Variants in PDE2A observed in about 807,000 individuals in gnomAD.
PDE2A encodes the protein cGMP-dependent 3',5'-cyclic phosphodiesterase.
In PDE2A, 53 loss-of-function variants were observed where a neutral mutation model predicts 133.6. The ratio of observed to expected loss-of-function variants is 0.40; its 90% confidence interval spans 0.32 to 0.50. The LOEUF (loss-of-function observed/expected upper bound fraction) is 0.50, where lower values mean the gene tolerates loss of function less well. PDE2A is among the 20% of genes least tolerant of loss of function. The probability of loss-of-function intolerance (pLI) is 0.73; values close to 1 mark genes in which losing one functional copy is unlikely to be tolerated. For missense variants in PDE2A, 796 were observed against 1,232.4 expected (o/e 0.65, Z 5.30); for synonymous variants, 491 against 490.2 (o/e 1.00, Z -0.02).
intron 3 of PDE2A, among the ~76,000 whole-genome samples, chr11:72,606,015 T>G (rs1856953813): frequency 6.6e-6 from 1 of 151,882 alleles, no homozygotes; most frequent in South Asian, 2.1e-4. Flanking sequence ...CAGGGAGACG[T>G]GAGCAGATTT....
chr11:72,646,437 T>C lies in PDE2A; in HGVS notation c.72-4111A>G, dbSNP rs553912606. Among the ~76,000 whole-genome samples the C allele has an allele frequency of 1.3e-3, 198 of 152,354 alleles. 1 individual carries two copies. The highest frequency in any genetic ancestry group is 2.4e-3 in the Non-Finnish European group (161 of 68,030). ...AAAGTGAGGCTCAGAGAAATGTAGA[T>C]GCTTACCTGAGATGGCACAGCTGGT... On this transcript the variant is annotated intron_variant, in intron 1 of 30. Coordinates refer to ENST00000334456, the MANE Select transcript of PDE2A (RefSeq NM_002599.5).
intron 2 of PDE2A, among the ~76,000 whole-genome samples, chr11:72,626,748 C>G (rs1858098563): frequency 6.6e-6 from 1 of 152,182 alleles, no homozygotes; most frequent in Non-Finnish European, 1.5e-5. Flanking sequence ...CTAGTGCTAC[C>G]CCCGCAGCTG....
In PDE2A at chr11:72,590,171, G is replaced by C. The variant is rs954230212; in HGVS notation, c.756+21C>G. The stretch of plus-strand genomic sequence containing the variant: ...AGGGAGACAGGACGGGGAGGTGGCC[G>C]GCAGGGGCGCAGGGACTCACGTATT... On this transcript the variant is annotated intron_variant, in intron 9 of 30. Coordinates refer to ENST00000334456, the MANE Select transcript of PDE2A (RefSeq NM_002599.5). This position sits in a 1 kb window ranked among gnomAD's most constrained non-coding sequence, Gnocchi z 4.8. The C allele has an allele frequency of 6.5e-7, 1 of 1,542,234 alleles. No individual in the cohort carries two copies. Among genetic ancestry groups the C allele is most frequent in the African/African-American group, 1.4e-5 (1 of 73,056 alleles).
At chr11:72,594,922 T>A (rs1856403819) in intron 6 of PDE2A, among the ~76,000 whole-genome samples, 1 of 152,084 alleles carries the variant, frequency 6.6e-6, no homozygotes, top group South Asian at 2.1e-4. Context: ...TCCCCCAGAC[T>A]GAGAGCTCCC....
intron 1 of PDE2A, among the ~76,000 whole-genome samples, chr11:72,669,674 T>C (rs1428476584): frequency 6.6e-6 from 1 of 151,788 alleles, no homozygotes; most frequent in Non-Finnish European, 1.5e-5. Flanking sequence ...GCAGAGGGGG[T>C]AGGAGGCCGG....
chr11:72,591,406 C>G, intron 6 of PDE2A, 50 bp from the exon 7 acceptor site: 1 of 1,488,062 alleles, frequency 6.7e-7, no homozygotes. Flanking sequence ...CAGTGTCTGT[C>G]TCTGCCAGAG....
intron 1 of PDE2A, chr11:72,668,392 A>C (rs780997474): frequency 3.3e-5 from 24 of 718,610 alleles, no homozygotes; most frequent in South Asian, 3.0e-4. Flanking sequence ...ATGAGATCAC[A>C]GGTGTGGAAA....
intron 6 of PDE2A, among the ~76,000 whole-genome samples, 179 bp from the exon 7 acceptor site, chr11:72,591,535 T>A (rs144906364): frequency 6.6e-6 from 1 of 152,320 alleles, no homozygotes; most frequent in Non-Finnish European, 1.5e-5. Flanking sequence ...AAATCCCTCC[T>A]GTAGGAAGTC....
intron 2 of PDE2A, among the ~76,000 whole-genome samples, chr11:72,634,475 C>T (rs1376618544): frequency 6.6e-6 from 1 of 152,192 alleles, no homozygotes. Flanking sequence ...GATTTCAGGC[C>T]CCGTTGTGCT....
rs570221811 is a variant in PDE2A, at chr11:72,625,681, G to C, written c.144+16573C>G. 2.0e-5 allele frequency among the ~76,000 whole-genome samples: 3 copies of C among 152,226 alleles called. No individual in the cohort carries two copies. The South Asian group carries it at 6.2e-4, about 32-fold the overall frequency. On this transcript the variant is annotated intron_variant, in intron 2 of 30. Transcript: ENST00000334456. ...CATTTGTGGGGTTTGGAGAAAACAG[G>C]CTTCTCTCCCATCTGCTCCCACCTC... is the stretch of plus-strand genomic sequence containing the variant.
intron 12 of PDE2A, 50 bp downstream of exon 12, chr11:72,589,125 G>A (rs766022699): frequency 6.7e-7 from 1 of 1,496,516 alleles, no homozygotes; most frequent in Non-Finnish European, 9.3e-7. Flanking sequence ...TCTAGGGGCT[G>A]GCAGTGGGGT....
intron 1 of PDE2A, among the ~76,000 whole-genome samples, chr11:72,673,201 T>G (rs540919143): frequency 9.2e-5 from 14 of 152,078 alleles, no homozygotes; most frequent in African/African-American, 3.4e-4. Context: ...ACACATAATA[T>G]ACAAACTCAA....
At chr11:72,585,349 T>C (rs1403491125) in intron 16 of PDE2A, 22 bp downstream of exon 16, 1 of 1,607,582 alleles carries the variant, frequency 6.2e-7, no homozygotes, top group South Asian at 1.1e-5. Flanking sequence ...TCTCGCCCTG[T>C]CCCCTGGGTA....
intron 1 of PDE2A, among the ~76,000 whole-genome samples, chr11:72,660,008 C>G (rs1317193587): frequency 1.3e-5 from 2 of 152,218 alleles, no homozygotes; most frequent in Admixed American, 1.3e-4. Flanking sequence ...CACCCCCACT[C>G]CATGTGCCCA....
chr11:72,588,943 G>A, intron 12 of PDE2A, 29 bp from the exon 13 acceptor site: 1 of 1,586,546 alleles, frequency 6.3e-7, no homozygotes, highest in Admixed American at 1.7e-5. Flanking sequence ...TCAGGGCAGG[G>A]AAGCAGGGCG....
chr11:72,586,780 G>C (rs1237152148), intron 13 of PDE2A, among the ~76,000 whole-genome samples: 1 of 152,202 alleles, frequency 6.6e-6, no homozygotes, highest in Non-Finnish European at 1.5e-5. Flanking sequence ...TGTGGGTCAT[G>C]GGAAGAGCCT....
intron 1 of PDE2A, among the ~76,000 whole-genome samples, chr11:72,658,935 ACT>A (rs1046849325): frequency 7.9e-5 from 12 of 151,762 alleles, no homozygotes; most frequent in African/African-American, 2.9e-4. Flanking sequence ...GGGCTGAAGC[ACT>A]CTGTCTCAGC....
chr11:72,616,578 G>A (rs566311510), intron 2 of PDE2A, among the ~76,000 whole-genome samples: 1 of 152,216 alleles, frequency 6.6e-6, no homozygotes, highest in Non-Finnish European at 1.5e-5. Flanking sequence ...GGGTGTGGAG[G>A]AAGGATCTAG....
intron 4 of PDE2A, among the ~76,000 whole-genome samples, chr11:72,603,008 G>T (rs938140507): frequency 3.1e-4 from 47 of 152,222 alleles, no homozygotes; most frequent in Non-Finnish European, 1.9e-4. Flanking sequence ...AGAGCACTGG[G>T]CCTGGGCCTT....
Sources: gnomAD v4.1 joint callset for allele counts (sites outside exome capture counted in the v4.1 genomes callset) on GRCh38, gnomAD v4.1.1 for gene constraint, Gnocchi (gnomAD v3.1) non-coding constraint, MANE v1.5 for transcripts, NCBI Gene and HGNC (gene_info 2026-07-23, HGNC 2026-07-21) for gene names.